NTNG2: variants seen among roughly 807,000 people sequenced by gnomAD.
NTNG2 encodes the protein netrin-G2.
A neutral mutation model predicts 47.6 loss-of-function variants in NTNG2; 15 were observed. That is an observed-to-expected ratio of 0.32 (90% CI 0.21 to 0.49). The LOEUF (loss-of-function observed/expected upper bound fraction) is 0.49. Among genes scored for constraint, NTNG2 ranks in the 20% least tolerant of loss-of-function variants. The pLI is 0.99. For missense variants in NTNG2, 578 were observed against 764.6 expected (o/e 0.76, Z 2.88); for synonymous variants, 307 against 324.6 (o/e 0.95, Z 0.58).
chr9:132,202,487 G>T (rs1838843739), intron 3 of NTNG2, among the ~76,000 whole-genome samples: 1 of 152,234 alleles, frequency 6.6e-6, no homozygotes, highest in Non-Finnish European at 1.5e-5. Flanking sequence ...CTCCCGCGGA[G>T]CCTGCTCCAC....
chr9:132,234,279 C>T (rs1165297965), intron 5 of NTNG2, among the ~76,000 whole-genome samples: 1 of 152,228 alleles, frequency 6.6e-6, no homozygotes, highest in Non-Finnish European at 1.5e-5. Context: ...CCACCCGCCT[C>T]AGCCTCCCAA....
chr9:132,229,917 T>A (rs1163194824), intron 4 of NTNG2, among the ~76,000 whole-genome samples: 1 of 152,054 alleles, frequency 6.6e-6, no homozygotes, highest in African/African-American at 2.4e-5. Flanking sequence ...GCCTCCCCCA[T>A]CCCCTGGACA....
intron 2 of NTNG2, among the ~76,000 whole-genome samples, chr9:132,185,840 GGGAGGA>G (rs1224445871): frequency 1.8e-5 from 2 of 111,952 alleles, no homozygotes; most frequent in South Asian, 5.3e-4. Flanking sequence ...GAGGAGGAGT[GGGAGGA>G]GGAGGAGGAG....
rs118077717 is a variant in NTNG2 at position 132,189,402 on chromosome 9, G to A, written c.214-8564G>A. Reference sequence around the variant, plus strand: ...TGGAGAAATAGTCATGGAGAAGTACGATTGGCTTAAAAAAAAGGTATCATC... The same window carrying A: ...TGGAGAAATAGTCATGGAGAAGTACAATTGGCTTAAAAAAAAGGTATCATC... On this transcript the variant is annotated intron_variant, in intron 2 of 7. Transcript: ENST00000393229. Among the ~76,000 whole-genome samples, 541 of 133,586 alleles carry A rather than the reference G, an allele frequency of 4.0e-3. 1 individual carries two copies. The highest frequency in any genetic ancestry group is 8.3e-3 in the Admixed American group (114 of 13,708). The allele number at this position is 133,586 out of a possible 152,430, so 87.6% of individuals were successfully genotyped here.
chr9:132,213,431 C>T (rs530559669), intron 3 of NTNG2, among the ~76,000 whole-genome samples: 7 of 152,114 alleles, frequency 4.6e-5, no homozygotes, highest in African/African-American at 1.7e-4. Flanking sequence ...CCATTGGCCA[C>T]GGCCACCCAC....
At chr9:132,201,396 G>A (rs1393582971) in intron 3 of NTNG2, among the ~76,000 whole-genome samples, 1 of 152,262 alleles carries the variant, frequency 6.6e-6, no homozygotes, top group Admixed American at 6.5e-5. Context: ...TCTTCAGGCG[G>A]CAGCTTGGCT....
rs184585499 is a variant in NTNG2, at chr9:132,232,461, C to G, written c.1054+1866C>G. On this transcript the variant is annotated intron_variant, in intron 5 of 7. Transcript: ENST00000393229. ...GGTCTGCCACAGACAGGCATGGAAA[C>G]CTGATTCTCGCTCCCCTCCAACGGA... 2.3e-3 allele frequency: 352 copies of G among 152,788 alleles called. 1 individual carries two copies. The highest frequency in any genetic ancestry group is 2.2e-3 in the Non-Finnish European group (148 of 68,392). 9.5% of individuals were successfully genotyped at this position (152,788 alleles called of 1,614,324 possible). A position where few individuals can be genotyped will look rare whatever the true frequency, so the allele number is the denominator to read the frequency against.
At chr9:132,205,836 G>A (rs762216171) in intron 3 of NTNG2, among the ~76,000 whole-genome samples, 3 of 152,062 alleles carry the variant, frequency 2.0e-5, no homozygotes, top group African/African-American at 4.8e-5. Context: ...AACTGAGATC[G>A]CACCACTGCA....
intron 3 of NTNG2, among the ~76,000 whole-genome samples, chr9:132,210,747 C>T (rs1231933185): frequency 6.6e-6 from 1 of 152,222 alleles, no homozygotes; most frequent in Non-Finnish European, 1.5e-5. Context: ...CAGGCTCATC[C>T]TCAGGCCTTG....
intron 3 of NTNG2, among the ~76,000 whole-genome samples, chr9:132,220,156 C>T (rs775609551): frequency 2.6e-5 from 4 of 152,202 alleles, no homozygotes; most frequent in South Asian, 4.1e-4. Flanking sequence ...AATGTCTGTG[C>T]TGATCCTTTC....
In NTNG2 at chr9:132,180,962, G is replaced by A. The variant is rs1193695373; in HGVS notation, c.213+13918G>A. Among the ~76,000 whole-genome samples, 1 of 152,242 alleles carries A rather than the reference G, an allele frequency of 6.6e-6. No homozygotes were observed. The highest frequency in any genetic ancestry group is 1.5e-5 in the Non-Finnish European group (1 of 68,048). On this transcript the variant is annotated intron_variant, in intron 2 of 7. Transcript: ENST00000393229. The surrounding 1 kb of genome is among the most constrained non-coding windows in gnomAD (Gnocchi z 4.2). ...TCAGGGACTTCCCAGATTTCTCTGAGTCCATCCGTGGTCACTTTCGGTCAA... is the reference window on the plus strand; with the variant it reads ...TCAGGGACTTCCCAGATTTCTCTGAATCCATCCGTGGTCACTTTCGGTCAA...
intron 3 of NTNG2, among the ~76,000 whole-genome samples, chr9:132,207,778 C>A (rs1223621259): frequency 1.3e-5 from 2 of 152,148 alleles, no homozygotes; most frequent in East Asian, 3.8e-4. Flanking sequence ...AACCCAGTAC[C>A]CCCAAGTGCC....
intron 2 of NTNG2, among the ~76,000 whole-genome samples, chr9:132,194,054 G>C (rs1030194390): frequency 6.6e-6 from 1 of 152,310 alleles, no homozygotes; most frequent in African/African-American, 2.4e-5. Flanking sequence ...TCTTGAAAGA[G>C]AATCTGTCTC....
chr9:132,234,390 C>T (rs976148272), intron 5 of NTNG2, among the ~76,000 whole-genome samples: 5 of 152,252 alleles, frequency 3.3e-5, no homozygotes, highest in African/African-American at 1.2e-4. Flanking sequence ...GCAGACCGGG[C>T]TTCCATGGGG....
At position 132,226,903 on chromosome 9, in the gene NTNG2, G is replaced by T; in HGVS notation, c.912G>T (p.Gln304His). 1 of 1,612,822 alleles carries T rather than the reference G, an allele frequency of 6.2e-7. No homozygotes were observed. Residue 304 changes from glutamine (Q) to histidine (H), a missense_variant, in exon 4 of 8, where the codon CAG (glutamine) becomes CAT (histidine). Gln to His is a conservative substitution (Grantham distance 24). Transcript: ENST00000393229. This position sits in a 1 kb window ranked among gnomAD's most constrained non-coding sequence, Gnocchi z 4.8. ...NLCSMREGSL[Q>H]CECEHNTTGP... is the part of the protein sequence containing the mutation. The stretch of plus-strand genomic sequence containing the variant: ...GCTCCATGCGCGAGGGCAGCCTGCA[G>T]TGCGAGTGCGAGCACAACACCACCG...
rs552649095 is a variant in NTNG2, at chr9:132,189,929, GTGAGCAAC to G, written c.214-8034_214-8027del. ...CTCCCAAAGTGCTGGGATTACAGGC[GTGAGCAAC>G]TGTGCCCAGCCTAAAATATTTTAAG... On this transcript the variant is annotated intron_variant, in intron 2 of 7. Coordinates refer to ENST00000393229, the MANE Select transcript of NTNG2 (RefSeq NM_032536.4). Among the ~76,000 whole-genome samples, 470 of 149,448 alleles carry G rather than the reference GTGAGCAAC, an allele frequency of 3.1e-3. 6 individuals are homozygous for G. The highest frequency in any genetic ancestry group is 4.3e-3 in the Non-Finnish European group (290 of 67,386).
intron 2 of NTNG2, among the ~76,000 whole-genome samples, chr9:132,168,786 C>T (rs1332204394): frequency 6.6e-6 from 1 of 152,130 alleles, no homozygotes; most frequent in East Asian, 1.9e-4. Flanking sequence ...ATTAGAGTCT[C>T]GACTGTATTT....
At chr9:132,190,868 C>A (rs1400064856) in intron 2 of NTNG2, among the ~76,000 whole-genome samples, 1 of 152,304 alleles carries the variant, frequency 6.6e-6, no homozygotes, top group African/African-American at 2.4e-5. Context: ...GGCTGCCTTC[C>A]CTTCCCTCTG....
In NTNG2 at chr9:132,235,739, G is replaced by A. The variant is rs563522542; in HGVS notation, c.1055-3365G>A. Reference sequence around the variant, plus strand: ...CAGAAGGTATGGGGGGGCAAGGCCTGTGATGGGCCTGAGACCCCGGGGAAG... The same window carrying A: ...CAGAAGGTATGGGGGGGCAAGGCCTATGATGGGCCTGAGACCCCGGGGAAG... On this transcript the variant is annotated intron_variant, in intron 5 of 7. Coordinates refer to ENST00000393229, the MANE Select transcript of NTNG2 (RefSeq NM_032536.4). Among the ~76,000 whole-genome samples, 6 of 152,350 alleles carry A rather than the reference G, an allele frequency of 3.9e-5. No homozygotes were observed. In the South Asian group the frequency reaches 1.2e-3, roughly 32 times the overall value.
Sources: allele counts gnomAD v4.1 joint callset (sites outside exome capture counted in the v4.1 genomes callset), GRCh38; gene constraint gnomAD v4.1.1; non-coding constraint Gnocchi (gnomAD v3.1); transcripts MANE v1.5; gene names NCBI Gene and HGNC (gene_info 2026-07-23, HGNC 2026-07-21).